Variants in PRKCB observed in about 807,000 individuals in gnomAD.
PRKCB encodes protein kinase C beta type.
PRKCB carries 13 observed loss-of-function variants against 81.5 expected under a neutral mutation model. The observed-to-expected ratio is 0.16, with a 90% CI of 0.10 to 0.25. The LOEUF (loss-of-function observed/expected upper bound fraction) is 0.25, where lower values mean the gene tolerates loss of function less well. PRKCB is among the 10% of genes least tolerant of loss of function. The pLI, the probability that PRKCB is intolerant of heterozygous loss-of-function variation, is 1.00. For synonymous variants in PRKCB, 335 were observed against 321.4 expected, an observed-to-expected ratio of 1.04 and a Z score of -0.45; for missense variants, 509 against 875.7, an observed-to-expected ratio of 0.58 and a Z score of 5.29.
At chr16:24,094,361 T>C in intron 7 of PRKCB, 64 bp downstream of exon 7, 1 of 1,565,020 alleles carries the variant, frequency 6.4e-7, no homozygotes, top group Admixed American at 2.0e-5. Context: ...GGGTCAAGTA[T>C]GTTTTCCTTT....
At position 23,901,485 on chromosome 16, in the gene PRKCB, AG is replaced by A. The variant is rs1221289739; in HGVS notation, c.205+64083del. 5.9e-5 allele frequency among the ~76,000 whole-genome samples: 9 copies of A among 152,256 alleles called. No homozygotes were observed. The East Asian group carries it at 1.7e-3, about 29-fold the overall frequency. ...AGCAGGAAACAGCTTTGAGAGCGGA[AG>A]GGGAGTGAGAGTAGATGGATAGATG... is the stretch of plus-strand genomic sequence containing the variant. On this transcript the variant is annotated intron_variant, in intron 2 of 16. Transcript: ENST00000643927.
At chr16:23,919,782 T>C (rs1963797701) in intron 2 of PRKCB, among the ~76,000 whole-genome samples, 1 of 152,258 alleles carries the variant, frequency 6.6e-6, no homozygotes, top group Non-Finnish European at 1.5e-5. Flanking sequence ...AAGATTTCTT[T>C]CTTTGTGTAA....
chr16:24,179,601 C>G (rs1350675081), intron 12 of PRKCB, among the ~76,000 whole-genome samples: 1 of 152,132 alleles, frequency 6.6e-6, no homozygotes, highest in Non-Finnish European at 1.5e-5. Flanking sequence ...TGCTAAAGAC[C>G]TACAACTGTT....
chr16:24,047,011 C>T (rs1270645124), intron 5 of PRKCB, among the ~76,000 whole-genome samples: 1 of 151,892 alleles, frequency 6.6e-6, no homozygotes, highest in Non-Finnish European at 1.5e-5. Flanking sequence ...TTGAGACCAG[C>T]CTCAGCAACA....
chr16:23,851,310 T>C (rs1962469100), intron 2 of PRKCB, among the ~76,000 whole-genome samples: 1 of 152,200 alleles, frequency 6.6e-6, no homozygotes, highest in Non-Finnish European at 1.5e-5. Context: ...GGATATCCAG[T>C]TTTCCCAACA....
intron 9 of PRKCB, among the ~76,000 whole-genome samples, chr16:24,135,178 G>T (rs1232924940): frequency 6.6e-6 from 1 of 151,892 alleles, no homozygotes; most frequent in African/African-American, 2.4e-5. Context: ...CTATGTTCCA[G>T]CTCCAGCATC....
At chr16:23,934,484 G>A (rs1360638186) in intron 2 of PRKCB, among the ~76,000 whole-genome samples, 1 of 152,144 alleles carries the variant, frequency 6.6e-6, no homozygotes, top group Admixed American at 6.5e-5. Context: ...AATTAGGAAT[G>A]CTGCCTTCAG....
intron 8 of PRKCB, among the ~76,000 whole-genome samples, chr16:24,122,706 T>C (rs1014873381): frequency 4.6e-5 from 7 of 151,708 alleles, no homozygotes; most frequent in Non-Finnish European, 8.8e-5. Context: ...TCGAATCTCC[T>C]GTCTCAGCAT....
At chr16:24,114,764 G>T (rs773248912) in intron 8 of PRKCB, among the ~76,000 whole-genome samples, 8 of 151,892 alleles carry the variant, frequency 5.3e-5, no homozygotes, top group African/African-American at 1.9e-4. Context: ...AACCATGATG[G>T]CCTACTAACT....
At chr16:23,897,911 T>C (rs1963404874) in intron 2 of PRKCB, among the ~76,000 whole-genome samples, 1 of 151,896 alleles carries the variant, frequency 6.6e-6, no homozygotes, top group African/African-American at 2.4e-5. Flanking sequence ...TTTATTTATT[T>C]ATTTTGCAAT....
intron 5 of PRKCB, among the ~76,000 whole-genome samples, chr16:24,061,726 A>C (rs747372300): frequency 4.6e-5 from 7 of 152,078 alleles, no homozygotes. Flanking sequence ...ATTGATTTTT[A>C]TTTCCCAAAA....
chr16:24,169,413 T>A (rs923632126), intron 10 of PRKCB, among the ~76,000 whole-genome samples: 1 of 152,158 alleles, frequency 6.6e-6, no homozygotes, highest in Admixed American at 6.5e-5. Flanking sequence ...CCCGAACCTT[T>A]GTGTTAGCCT....
rs148451701 is a variant in PRKCB at position 24,175,696 on chromosome 16, G to A, written c.1394+1116G>A. Among the ~76,000 whole-genome samples the A allele has an allele frequency of 6.4e-3, 973 of 151,924 alleles. 10 individuals are homozygous for A. Among genetic ancestry groups the A allele is most frequent in the African/African-American group, 0.022 (896 of 41,420 alleles). On this transcript the variant is annotated intron_variant, in intron 12 of 16. Transcript: ENST00000643927. Reference sequence around the variant, plus strand: ...GGATTAAAAGGCATGAGGGGGCTGGGCACAGTAGCTAGCACCTGTAATCCC... The same window carrying A: ...GGATTAAAAGGCATGAGGGGGCTGGACACAGTAGCTAGCACCTGTAATCCC...
intron 2 of PRKCB, among the ~76,000 whole-genome samples, chr16:23,839,051 A>C (rs1256071849): frequency 6.6e-6 from 1 of 152,152 alleles, no homozygotes; most frequent in African/African-American, 2.4e-5. Flanking sequence ...TCTCTTGCTG[A>C]GATCGGGGGC....
chr16:24,216,941 C>T lies in PRKCB; in HGVS notation c.*2125C>T, dbSNP rs1329778095. On this transcript the variant is annotated 3_prime_UTR_variant, in exon 17 of 17. Transcript: ENST00000643927. ...GCAGCAGACATCTCTGAGCCAGGCC[C>T]ACCAACAGGCCCTTATCTGGTGGTT... 3 of 985,282 alleles carry T rather than the reference C, an allele frequency of 3.0e-6. No homozygotes were observed. Among genetic ancestry groups the T allele is most frequent in the South Asian group, 4.7e-5 (1 of 21,286 alleles). The allele number at this position is 985,282 out of a possible 1,614,324, so 61.0% of individuals were successfully genotyped here.
chr16:23,926,242 G>A (rs914063708), intron 2 of PRKCB, among the ~76,000 whole-genome samples: 72 of 151,982 alleles, frequency 4.7e-4, no homozygotes, highest in African/African-American at 1.7e-3. Context: ...CTGCCCCCCA[G>A]CCTGGGTGAC....
chr16:23,866,327 C>T (rs187881786), intron 2 of PRKCB, among the ~76,000 whole-genome samples: 1 of 152,152 alleles, frequency 6.6e-6, no homozygotes, highest in Non-Finnish European at 1.5e-5. Flanking sequence ...ATTTTGTGAC[C>T]CAGCATAGAT....
rs144145369 is a variant in PRKCB at position 24,006,408 on chromosome 16, A to G, written c.288+17818A>G. Among the ~76,000 whole-genome samples, 373 of 152,364 alleles carry G rather than the reference A, an allele frequency of 2.4e-3. 1 individual carries two copies. Among genetic ancestry groups the G allele is most frequent in the Admixed American group, 7.4e-3 (113 of 15,302 alleles). On this transcript the variant is annotated intron_variant, in intron 3 of 16. Coordinates refer to ENST00000643927, the MANE Select transcript of PRKCB (RefSeq NM_002738.7). ...AGCCCATACTGACCAACTGGTTGCT[A>G]CATAATAATATTAGCTCCCCATCCG... is the stretch of plus-strand genomic sequence containing the variant.
chr16:24,049,599 C>T (rs1965816083), intron 5 of PRKCB, among the ~76,000 whole-genome samples: 1 of 152,100 alleles, frequency 6.6e-6, no homozygotes, highest in South Asian at 2.1e-4. Context: ...CATCCGGGAC[C>T]TGCACCCTTA....
Sources: allele counts gnomAD v4.1 joint callset (sites outside exome capture counted in the v4.1 genomes callset), GRCh38; gene constraint gnomAD v4.1.1; transcripts MANE v1.5; gene names NCBI Gene and HGNC (gene_info 2026-07-23, HGNC 2026-07-21).